Variants in SNRK observed in about 807,000 individuals in gnomAD.
The protein encoded by SNRK is SNF-related serine/threonine-protein kinase.
SNRK carries 3 observed loss-of-function variants against 48.2 expected under a neutral mutation model. The ratio of observed to expected loss-of-function variants is 0.06; its 90% CI spans 0.03 to 0.16. The LOEUF is 0.16. Ranked by LOEUF, SNRK falls within the 10% of genes least tolerant of loss-of-function variation. SNRK has a pLI of 1.00. For synonymous variants in SNRK, 376 were observed against 366.1 expected (o/e 1.03, Z -0.31); for missense variants, 627 against 976.0 (o/e 0.64, Z 4.76).
chr3:43,341,173 T>C (rs1036712766), intron 5 of SNRK, among the ~76,000 whole-genome samples: 2 of 151,726 alleles, frequency 1.3e-5, no homozygotes, highest in Admixed American at 6.6e-5. Flanking sequence ...TTTTTTGAGA[T>C]GGAGTCTCGC....
intron 3 of SNRK, among the ~76,000 whole-genome samples, chr3:43,326,837 G>T (rs908233878): frequency 6.6e-6 from 1 of 152,166 alleles, no homozygotes; most frequent in African/African-American, 2.4e-5. Context: ...TAAGATCTGG[G>T]AAAGGAGTGT....
chr3:43,336,262 A>C (rs1160222072), intron 4 of SNRK, among the ~76,000 whole-genome samples: 294 of 103,796 alleles, frequency 2.8e-3, no homozygotes, highest in Middle Eastern at 6.0e-3. Context: ...TCCCCTCCTT[A>C]CCCTCCCTCC....
intron 4 of SNRK, among the ~76,000 whole-genome samples, chr3:43,337,734 C>G (rs544814122): frequency 6.6e-6 from 1 of 152,210 alleles, no homozygotes; most frequent in East Asian, 1.9e-4. Flanking sequence ...AAGCAAGGCA[C>G]CTTCTTCACA....
At chr3:43,339,871 A>ATATG (rs1297392495) in intron 4 of SNRK, among the ~76,000 whole-genome samples, 12 of 96,282 alleles carry the variant, frequency 1.2e-4, no homozygotes, top group East Asian at 6.8e-4. Flanking sequence ...ATATATATAT[A>ATATG]TATGTTACAT....
At chr3:43,302,753 C>A (rs894640649) in intron 2 of SNRK, among the ~76,000 whole-genome samples, 1 of 150,642 alleles carries the variant, frequency 6.6e-6, no homozygotes. Context: ...TCAACTGTTG[C>A]GTTATTTTTT....
chr3:43,348,368 C>T lies in SNRK; in HGVS notation c.2109C>T (p.Gly703=). Residue 703 remains glycine (G), a synonymous_variant, in exon 7 of 7, where the codon GGC becomes GGT. Transcript: ENST00000296088. ...CAGGGCAGGTCCCTGCAGTGGGCGG[C>T]ATAAAGTTTTTCTCTGACCACATGG... ...GNAGQVPAVG[G]IKFFSDHMAD... The T allele has an allele frequency of 6.2e-7, 1 of 1,607,380 alleles. No individual in the cohort carries two copies. Among genetic ancestry groups the T allele is most frequent in the Non-Finnish European group, 8.5e-7 (1 of 1,177,100 alleles).
intron 4 of SNRK, among the ~76,000 whole-genome samples, chr3:43,333,626 G>A (rs1024025073): frequency 1.3e-5 from 2 of 152,072 alleles, no homozygotes; most frequent in Admixed American, 1.3e-4. Context: ...GGGGGCATAC[G>A]TTGTCTGCAT....
rs554636613 is a variant in SNRK at position 43,303,629 on chromosome 3, A to T, written c.426A>T (p.Pro142=). The T allele has an allele frequency of 1.9e-6, 3 of 1,614,188 alleles. No homozygotes were observed. The East Asian group carries it at 6.7e-5, about 36-fold the overall frequency. The change falls in exon 3 of 7, where the codon CCA becomes CCT. Residue 142 remains proline, a synonymous_variant. Coordinates refer to ENST00000296088, the MANE Select transcript of SNRK (RefSeq NM_017719.5). The surrounding 1 kb of genome is among the most constrained non-coding windows in gnomAD (Gnocchi z 6.2). ...KLHVVHRDLK[P]ENVVFFEKQG... ...ATGTGGTTCACAGAGACTTAAAACC[A>T]GAGAATGTAGTCTTCTTTGAAAAAC...
chr3:43,293,249 G>A (rs2090827202), intron 1 of SNRK, among the ~76,000 whole-genome samples: 1 of 152,090 alleles, frequency 6.6e-6, no homozygotes, highest in Non-Finnish European at 1.5e-5. Flanking sequence ...GTTACATACA[G>A]GTGTGAGCCA....
chr3:43,305,000 A>G (rs766602855), intron 3 of SNRK, among the ~76,000 whole-genome samples: 2 of 152,144 alleles, frequency 1.3e-5, no homozygotes, highest in Non-Finnish European at 2.9e-5. Flanking sequence ...AGGAAACACA[A>G]ATGTCTACCC....
At chr3:43,343,707 T>A (rs764288706) in intron 6 of SNRK, among the ~76,000 whole-genome samples, 11 of 152,094 alleles carry the variant, frequency 7.2e-5, no homozygotes, top group Non-Finnish European at 1.5e-4. Flanking sequence ...CGGGGCTGTG[T>A]CTGTTGGCAT....
At chr3:43,288,117 A>G (rs1351508955) in intron 1 of SNRK, among the ~76,000 whole-genome samples, 6 of 152,232 alleles carry the variant, frequency 3.9e-5, no homozygotes, top group Non-Finnish European at 7.3e-5. Flanking sequence ...GAGAAATTAC[A>G]TGACATTTCC....
rs1463476355 is a variant in SNRK at position 43,347,012 on chromosome 3, A to C, written c.1080-327A>C. 1 of 209,478 alleles carries C rather than the reference A, an allele frequency of 4.8e-6. No individual in the cohort carries two copies. The highest frequency in any genetic ancestry group is 9.5e-6 in the Non-Finnish European group (1 of 105,154). 13.0% of individuals were successfully genotyped at this position (209,478 alleles called of 1,614,324 possible). On this transcript the variant is annotated intron_variant, in intron 6 of 6. Transcript: ENST00000296088. This position sits in a 1 kb window ranked among gnomAD's most constrained non-coding sequence, Gnocchi z 5.4. ...GTGGTGTTCAGGTTTTGCTTTGCCAATAACCTCCATGGGCTTCTAAAAAAT... is the reference window on the plus strand; with the variant it reads ...GTGGTGTTCAGGTTTTGCTTTGCCACTAACCTCCATGGGCTTCTAAAAAAT...
chr3:43,296,662 C>T (rs995725914), intron 1 of SNRK, among the ~76,000 whole-genome samples: 5 of 152,004 alleles, frequency 3.3e-5, no homozygotes, highest in African/African-American at 1.2e-4. Context: ...TGTTTTGTCC[C>T]TACCTCTCTC....
intron 1 of SNRK, among the ~76,000 whole-genome samples, chr3:43,290,985 A>G (rs1201010601): frequency 6.6e-6 from 1 of 152,160 alleles, no homozygotes; most frequent in Non-Finnish European, 1.5e-5. Context: ...CATAATGGCA[A>G]AGGACACAGT....
At position 43,295,347 on chromosome 3, in the gene SNRK, C is replaced by T. The variant is rs540263218; in HGVS notation, c.-168-4407C>T. Among the ~76,000 whole-genome samples the T allele has an allele frequency of 1.8e-3, 274 of 152,320 alleles. 1 individual carries two copies. Among genetic ancestry groups the T allele is most frequent in the African/African-American group, 6.3e-3 (260 of 41,566 alleles). ...GCAACCAAATCATTGCCTCAAGAAA[C>T]TGGAACAGGCTTCTCACCATGACAT... On this transcript the variant is annotated intron_variant, in intron 1 of 6. Coordinates refer to ENST00000296088, the MANE Select transcript of SNRK (RefSeq NM_017719.5).
At chr3:43,329,776 C>T (rs1049221700) in intron 3 of SNRK, among the ~76,000 whole-genome samples, 1 of 152,094 alleles carries the variant, frequency 6.6e-6, no homozygotes, top group Non-Finnish European at 1.5e-5. Context: ...GGGGATTGGA[C>T]AAATCATCCT....
At position 43,340,394 on chromosome 3, in the gene SNRK, A is replaced by G. The variant is rs372084850; in HGVS notation, c.839A>G (p.Tyr280Cys). 3.1e-6 allele frequency: 5 copies of G among 1,614,188 alleles called. No homozygotes were observed. Among genetic ancestry groups the G allele is most frequent in the Non-Finnish European group, 3.4e-6 (4 of 1,180,014 alleles). ...GTGGACCCTTCACCAGCTACAAAGT[A>G]TAACATTCCCCTTGTGTCATACAAA... is the stretch of plus-strand genomic sequence containing the variant. ...QGVDPSPATK[Y>C]NIPLVSYKNL... The change falls in exon 5 of 7, where the codon TAT becomes TGT. Residue 280 changes from tyrosine to cysteine, a missense_variant. Physicochemically the swap from Tyr to Cys is radical, Grantham distance 194 (BLOSUM62 -2). Coordinates refer to ENST00000296088, the MANE Select transcript of SNRK (RefSeq NM_017719.5).
At chr3:43,330,538 C>T (rs985085809) in intron 3 of SNRK, among the ~76,000 whole-genome samples, 1 of 152,226 alleles carries the variant, frequency 6.6e-6, no homozygotes, top group South Asian at 2.1e-4. Flanking sequence ...ATATAAATTT[C>T]CTTTAAAAAA....
Sources: allele counts gnomAD v4.1 joint callset (sites outside exome capture counted in the v4.1 genomes callset), GRCh38; gene constraint gnomAD v4.1.1; non-coding constraint Gnocchi (gnomAD v3.1); transcripts MANE v1.5; gene names NCBI Gene and HGNC (gene_info 2026-07-23, HGNC 2026-07-21).